USP9X: variants seen among roughly 807,000 people sequenced by gnomAD.
USP9X encodes ubiquitin carboxyl-terminal hydrolase 9X.
In USP9X, 7 loss-of-function variants were observed where a neutral mutation model predicts 190.3. That is an observed-to-expected ratio of 0.04 (90% confidence interval 0.02 to 0.07). USP9X has a LOEUF of 0.07. Among genes scored for constraint, USP9X ranks in the 10% least tolerant of loss-of-function variants. The probability of loss-of-function intolerance (pLI) is 1.00; values close to 1 mark genes in which losing one functional copy is unlikely to be tolerated. For missense variants in USP9X, 1,010 were observed against 1,916.9 expected, an observed-to-expected ratio of 0.53 and a Z score of 8.83; for synonymous variants, 645 against 659.5, an observed-to-expected ratio of 0.98 and a Z score of 0.34.
intron 36 of USP9X, 124 bp from the exon 37 acceptor site, chrX:41,218,248 C>A: frequency 1.6e-6 from 1 of 630,829 alleles, no homozygotes; most frequent in Non-Finnish European, 2.4e-6. Flanking sequence ...GCAACCTTTG[C>A]TGGTTCTCTC....
intron 41 of USP9X, among the ~76,000 whole-genome samples, chrX:41,225,835 C>T (rs1398357582): frequency 1.8e-5 from 2 of 112,728 alleles, no homozygotes; most frequent in Admixed American, 9.4e-5. Flanking sequence ...CACATCACAG[C>T]CTTCTTGTGG....
At chrX:41,159,306 G>T (rs1246983388) in intron 14 of USP9X, among the ~76,000 whole-genome samples, 1 of 111,462 alleles carries the variant, frequency 9.0e-6, no homozygotes, top group Non-Finnish European at 1.9e-5. Flanking sequence ...AAATGTTGAT[G>T]AGGCTATGGA....
At chrX:41,193,147 G>A (rs1431260533) in intron 26 of USP9X, among the ~76,000 whole-genome samples, 1 of 110,867 alleles carries the variant, frequency 9.0e-6, no homozygotes, top group Non-Finnish European at 1.9e-5. Context: ...GGTAGGGGAC[G>A]GGGACAGTTG....
At chrX:41,125,678 A>ACTCT (rs1353372304) in intron 2 of USP9X, among the ~76,000 whole-genome samples, 83 of 33,860 alleles carry the variant, frequency 2.5e-3, no homozygotes, top group African/African-American at 8.3e-3. Context: ...ACACACACAC[A>ACTCT]CACACACTCT....
At chrX:41,163,061 A>G (rs1487578874) in intron 15 of USP9X, among the ~76,000 whole-genome samples, 184 bp downstream of exon 15, 5 of 112,344 alleles carry the variant, frequency 4.5e-5, no homozygotes, top group Non-Finnish European at 9.4e-5. Context: ...CTTTGTTGCA[A>G]TATTTTAAGA....
rs1231206935 is a variant in USP9X, at chrX:41,235,026, C to CT, written c.*2505dup. The CT allele has an allele frequency of 1.8e-5, 2 of 111,952 alleles. No homozygotes were observed. Among genetic ancestry groups the CT allele is most frequent in the African/African-American group, 3.3e-5 (1 of 30,686 alleles). 9.2% of individuals were successfully genotyped at this position (111,952 alleles called of 1,213,427 possible). ...ACAAAATATGTAATGTACTTAAAAA[C>CT]TTTAACGACTTCCTAGTTGAGAGAA... On this transcript the variant is annotated 3_prime_UTR_variant, in exon 45 of 45. Transcript: ENST00000378308.
chrX:41,110,606 G>GGTT (rs968456554), intron 1 of USP9X, among the ~76,000 whole-genome samples: 1 of 111,466 alleles, frequency 9.0e-6, no homozygotes, highest in Non-Finnish European at 1.9e-5. Context: ...CTGATAATAG[G>GGTT]GTTGTTCTAA....
chrX:41,219,637 C>T (rs2063243024), intron 38 of USP9X, among the ~76,000 whole-genome samples: 1 of 111,187 alleles, frequency 9.0e-6, no homozygotes, highest in South Asian at 3.8e-4. Context: ...TTGGTCTGTA[C>T]ATAAGTTTTT....
chrX:41,166,534 C>T (rs770287619), intron 16 of USP9X, among the ~76,000 whole-genome samples: 1 of 111,704 alleles, frequency 9.0e-6, no homozygotes, highest in Non-Finnish European at 1.9e-5. Flanking sequence ...CATTCAGTGT[C>T]GATCTGTTTC....
At position 41,235,592 on chromosome X, in the gene USP9X, T is replaced by G. The variant is rs1216664034; in HGVS notation, c.*3068T>G. The G allele has an allele frequency of 1.8e-5, 2 of 112,908 alleles. No homozygotes were observed. Among genetic ancestry groups the G allele is most frequent in the African/African-American group, 6.4e-5 (2 of 31,011 alleles). The allele number at this position is 112,908 out of a possible 1,213,427, so 9.3% of individuals were successfully genotyped here. Reference sequence around the variant, plus strand: ...GAACAAGGGCTTTTGCCCTATTGTATCTAAGTATTTCAGTGCACAACTTGT... The same window carrying G: ...GAACAAGGGCTTTTGCCCTATTGTAGCTAAGTATTTCAGTGCACAACTTGT... On this transcript the variant is annotated 3_prime_UTR_variant, in exon 45 of 45. Coordinates refer to ENST00000378308, the MANE Select transcript of USP9X (RefSeq NM_001039591.3).
intron 4 of USP9X, among the ~76,000 whole-genome samples, chrX:41,133,913 C>T (rs995406876): frequency 1.3e-4 from 15 of 112,356 alleles, no homozygotes; most frequent in African/African-American, 4.2e-4. Context: ...GTGCAGATAT[C>T]GCTTCAATAT....
At chrX:41,122,162 C>T (rs2062195830) in intron 1 of USP9X, among the ~76,000 whole-genome samples, 1 of 110,711 alleles carries the variant, frequency 9.0e-6, no homozygotes. Flanking sequence ...TTTGTTCTCT[C>T]ACAATTCTGA....
intron 1 of USP9X, among the ~76,000 whole-genome samples, chrX:41,117,960 C>T (rs897302582): frequency 9.0e-6 from 1 of 110,770 alleles, no homozygotes; most frequent in East Asian, 2.8e-4. Context: ...CGGATTCAAG[C>T]GATTCTCCTG....
intron 26 of USP9X, among the ~76,000 whole-genome samples, chrX:41,193,822 C>G (rs1289588286): frequency 9.0e-6 from 1 of 111,439 alleles, no homozygotes; most frequent in Non-Finnish European, 1.9e-5. Flanking sequence ...GAAACCCTGT[C>G]TAAAGTAAAA....
intron 44 of USP9X, 104 bp from the exon 45 acceptor site, chrX:41,232,283 T>G: frequency 1.1e-6 from 1 of 901,031 alleles, no homozygotes; most frequent in Non-Finnish European, 1.5e-6. Context: ...ACAGAGTAAG[T>G]CCCAAGAATA....
chrX:41,095,469 C>CATTGA (rs1427814227), intron 1 of USP9X, among the ~76,000 whole-genome samples: 2 of 112,380 alleles, frequency 1.8e-5, no homozygotes, highest in African/African-American at 6.5e-5. Context: ...GGTATAGCCC[C>CATTGA]TACCCCACTC....
chrX:41,091,549 G>A (rs1171177084), intron 1 of USP9X, among the ~76,000 whole-genome samples: 1 of 112,434 alleles, frequency 8.9e-6, no homozygotes, highest in Non-Finnish European at 1.9e-5. Context: ...CACCTAGAAA[G>A]TGCCTGGCAT....
At chrX:41,217,685 G>A (rs1171399114) in intron 36 of USP9X, among the ~76,000 whole-genome samples, 2 of 111,287 alleles carry the variant, frequency 1.8e-5, no homozygotes, top group Non-Finnish European at 3.8e-5. Flanking sequence ...CGGGAGTTCA[G>A]GACCAGCCTA....
intron 15 of USP9X, among the ~76,000 whole-genome samples, chrX:41,163,200 A>G (rs1257785389): frequency 9.0e-6 from 1 of 111,455 alleles, no homozygotes; most frequent in Non-Finnish European, 1.9e-5. Context: ...TGACTTAATG[A>G]TATCATAGAC....
Sources: gnomAD v4.1 joint callset for allele counts (sites outside exome capture counted in the v4.1 genomes callset) on GRCh38, gnomAD v4.1.1 for gene constraint, MANE v1.5 for transcripts, NCBI Gene and HGNC (gene_info 2026-07-23, HGNC 2026-07-21) for gene names.